The following PANX2 variants were observed in gnomAD, a reference collection of about 807,000 sequenced individuals.
PANX2 encodes pannexin-2.
A neutral mutation model predicts 38.7 loss-of-function variants in PANX2; 30 were observed. The observed-to-expected ratio is 0.78, with a 90% CI of 0.58 to 1.05. PANX2 has a LOEUF of 1.05. Ranked by LOEUF, PANX2 falls within the 50% of genes least tolerant of loss-of-function variation. The pLI, the probability that PANX2 is intolerant of heterozygous loss-of-function variation, is 0.00. For synonymous variants in PANX2, 539 were observed against 472.1 expected (o/e 1.14, Z -1.84); for missense variants, 880 against 979.3 (o/e 0.90, Z 1.35).
In PANX2 at chr22:50,170,915, C is replaced by A; in HGVS notation, c.185C>A (p.Pro62His). Residue 62 changes from proline to histidine, a missense_variant, in exon 1 of 3, where the codon CCC becomes CAC. Transcript: ENST00000395842. Reference sequence around the variant, plus strand: ...GTCACCATCGGCACCGTGCTGGTGCCCATCCTGCTGGTCACCCTGGTCTTC... The same window carrying A: ...GTCACCATCGGCACCGTGCTGGTGCACATCCTGCTGGTCACCCTGGTCTTC... ...RVVTIGTVLV[P>H]ILLVTLVFTK... is the part of the protein sequence containing the mutation. The A allele has an allele frequency of 6.5e-7, 1 of 1,528,646 alleles. No homozygotes were observed. The highest frequency in any genetic ancestry group is 1.2e-5 in the South Asian group (1 of 82,366). 94.7% of individuals were successfully genotyped at this position (1,528,646 alleles called of 1,614,324 possible). A position where few individuals can be genotyped will look rare whatever the true frequency, so the allele number is the denominator to read the frequency against.
chr22:50,172,753 A>G (rs1303793804), intron 1 of PANX2, among the ~76,000 whole-genome samples: 3 of 140,206 alleles, frequency 2.1e-5, no homozygotes, highest in East Asian at 2.2e-4. Context: ...TTTTGAGACA[A>G]AGTCTCGCTC....
chr22:50,174,074 G>C (rs974238721), intron 1 of PANX2, among the ~76,000 whole-genome samples: 2 of 152,222 alleles, frequency 1.3e-5, no homozygotes, highest in Non-Finnish European at 2.9e-5. Flanking sequence ...AAGGGCCAGG[G>C]CCTGGCCTCG....
chr22:50,175,009 A>AGGGCC (rs1280400997), intron 1 of PANX2, among the ~76,000 whole-genome samples: 1 of 152,142 alleles, frequency 6.6e-6, no homozygotes, highest in Non-Finnish European at 1.5e-5. Context: ...GGGCCCCCAA[A>AGGGCC]GGGCCGGGCC....
chr22:50,172,717 A>AC (rs1035432487), intron 1 of PANX2, among the ~76,000 whole-genome samples: 55 of 129,054 alleles, frequency 4.3e-4, no homozygotes, highest in Admixed American at 2.7e-3. Context: ...CTTCTTCACC[A>AC]CCCCCCCGCT....
At position 50,179,615 on chromosome 22, in the gene PANX2, C is replaced by A. The variant is rs1372173057; in HGVS notation, c.*338C>A. 7.1e-6 allele frequency: 2 copies of A among 283,416 alleles called. No homozygotes were observed. The highest frequency in any genetic ancestry group is 9.7e-5 in the East Asian group (1 of 10,272). 17.6% of individuals were successfully genotyped at this position (283,416 alleles called of 1,614,324 possible). ...AAGAGTTTATTTTTTTAGTCCGTTT[C>A]GTCCTGGCCCCGGGCTGTGGCGAGA... On this transcript the variant is annotated 3_prime_UTR_variant, in exon 3 of 3. Transcript: ENST00000395842.
Position 50,178,359 on chromosome 22 carries a change from G to T in PANX2, c.1647G>T (p.Gln549His), listed in dbSNP as rs1484020389. The change falls in exon 2 of 3, where the codon CAG (glutamine) becomes CAT (histidine). Residue 549 changes from glutamine (Q) to histidine (H), a missense_variant. Coordinates refer to ENST00000395842, the MANE Select transcript of PANX2 (RefSeq NM_052839.4). ...GCCAGGAGGGGGGCTTCCTGTCCCA[G>T]GCGGAGGACTGTGGGCTAGGCCTGG... The part of the protein sequence containing the change: ...SRSQEGGFLS[Q>H]AEDCGLGLAP... 2 of 1,485,052 alleles carry T rather than the reference G, an allele frequency of 1.3e-6. No homozygotes were observed. The highest frequency in any genetic ancestry group is 8.9e-7 in the Non-Finnish European group (1 of 1,125,452). 92.0% of individuals were successfully genotyped at this position (1,485,052 alleles called of 1,614,324 possible).
chr22:50,173,272 A>C (rs2063644436), intron 1 of PANX2, among the ~76,000 whole-genome samples: 1 of 152,174 alleles, frequency 6.6e-6, no homozygotes, highest in African/African-American at 2.4e-5. Flanking sequence ...ATCTCAGGTG[A>C]TCCGCCCGCC....
intron 1 of PANX2, among the ~76,000 whole-genome samples, chr22:50,176,302 G>A (rs1181818880): frequency 1.3e-5 from 2 of 152,244 alleles, no homozygotes; most frequent in African/African-American, 2.4e-5. Context: ...TTCAATTTTA[G>A]CGGCAGATAC....
In PANX2 at chr22:50,178,523, C is replaced by T. The variant is rs560855447; in HGVS notation, c.1690+121C>T. The stretch of plus-strand genomic sequence containing the variant: ...GAAGGGAGGGGGCCTGGCTTGAGGC[C>T]CCCTCAAAGGGGGAAGGGAGGAGGC... On this transcript the variant is annotated intron_variant, in intron 2 of 2. Coordinates refer to ENST00000395842, the MANE Select transcript of PANX2 (RefSeq NM_052839.4). The T allele has an allele frequency of 5.7e-5, 36 of 636,522 alleles. No homozygotes were observed. The African/African-American group carries it at 6.2e-4, about 11-fold the overall frequency. The allele number at this position is 636,522 out of a possible 1,614,324, so 39.4% of individuals were successfully genotyped here.
At chr22:50,173,966 G>A (rs1223012978) in intron 1 of PANX2, among the ~76,000 whole-genome samples, 3 of 152,124 alleles carry the variant, frequency 2.0e-5, no homozygotes, top group Non-Finnish European at 4.4e-5. Flanking sequence ...ACGTGACACC[G>A]CCACAGGCTC....
chr22:50,179,231 C>T lies in PANX2; in HGVS notation c.1988C>T (p.Ala663Val). Residue 663 changes from alanine (A) to valine (V), a missense_variant, in exon 3 of 3, where the codon GCC becomes GTC. Ala to Val is a moderately conservative substitution (Grantham distance 64). This residue lies in a region of PANX2 where 445 missense variants were observed against 404.3 expected (regional missense o/e 1.10). Coordinates refer to ENST00000395842, the MANE Select transcript of PANX2 (RefSeq NM_052839.4). The stretch of plus-strand genomic sequence containing the variant: ...CCTGCCCCACAGCAGATCCTCATCG[C>T]CACCTTCGACGAGCCGAGAACGGTC... ...AIPAPQQILI[A>V]TFDEPRTVVS... The T allele has an allele frequency of 4.3e-6, 7 of 1,612,722 alleles. No individual in the cohort carries two copies. The highest frequency in any genetic ancestry group is 5.9e-6 in the Non-Finnish European group (7 of 1,179,902).
chr22:50,171,598 T>A (rs896691586), intron 1 of PANX2, among the ~76,000 whole-genome samples: 20 of 152,030 alleles, frequency 1.3e-4, no homozygotes, highest in African/African-American at 4.8e-4. Context: ...GGACCCGCGC[T>A]GGTTAGATCA....
At chr22:50,171,204 G>T (rs921537885) in intron 1 of PANX2, among the ~76,000 whole-genome samples, 5 of 152,218 alleles carry the variant, frequency 3.3e-5, no homozygotes, top group Non-Finnish European at 7.3e-5. Flanking sequence ...CCGCGGGTGG[G>T]ACTAGGCCTG....
Position 50,177,532 on chromosome 22 carries a change from G to A in PANX2, c.820G>A (p.Ala274Thr), listed in dbSNP as rs767592776. 8 of 1,610,226 alleles carry A rather than the reference G, an allele frequency of 5.0e-6. No homozygotes were observed. The highest frequency in any genetic ancestry group is 1.6e-4 in the Middle Eastern group (1 of 6,078). ...GGACGGGGCGGCAGGTGCGGGGCCCGCGGTGCGCGTGAGCTGCAAGCTCCC... is the reference window on the plus strand; with the variant it reads ...GGACGGGGCGGCAGGTGCGGGGCCCACGGTGCGCGTGAGCTGCAAGCTCCC... The part of the protein sequence containing the change: ...SPDGAAGAGP[A>T]VRVSCKLPSV... The change falls in exon 2 of 3, where the codon GCG becomes ACG. Residue 274 changes from alanine (A) to threonine (T), a missense_variant. Around this residue, in one of 4 missense-constraint regions of PANX2, gnomAD observed 114 missense variants for 108.8 expected, o/e 1.05. Transcript: ENST00000395842.
chr22:50,178,204 G>GGCC lies in PANX2; in HGVS notation c.1492_1493insGCC (p.Ala498delinsGlyPro). On this transcript the variant is annotated protein_altering_variant, in exon 2 of 3. Transcript: ENST00000395842. ...CGACCCGGGCCCCGGCCCCGCCCCT[G>GGCC]CCCCCGCCCCGCCGCCCGCCCCTGA... The GGCC allele has an allele frequency of 7.6e-7, 1 of 1,319,898 alleles. No individual in the cohort carries two copies. Among genetic ancestry groups the GGCC allele is most frequent in the Non-Finnish European group, 1.0e-6 (1 of 1,004,422 alleles). The allele number at this position is 1,319,898 out of a possible 1,614,324, so 81.8% of individuals were successfully genotyped here.
intron 1 of PANX2, among the ~76,000 whole-genome samples, chr22:50,172,918 A>G (rs1208576140): frequency 8.0e-6 from 1 of 125,572 alleles, no homozygotes; most frequent in Non-Finnish European, 1.6e-5. Flanking sequence ...TTTTTTTGAG[A>G]CAGAGTCTCG....
In PANX2 at chr22:50,178,368, C is replaced by T; in HGVS notation, c.1656C>T (p.Asp552=). ...GGGGCTTCCTGTCCCAGGCGGAGGACTGTGGGCTAGGCCTGGCCCCGGCGC... is the reference window on the plus strand; with the variant it reads ...GGGGCTTCCTGTCCCAGGCGGAGGATTGTGGGCTAGGCCTGGCCCCGGCGC... The part of the protein sequence containing the change: ...QEGGFLSQAE[D]CGLGLAPAPI... Residue 552 remains aspartate, a synonymous_variant, in exon 2 of 3, where the codon GAC becomes GAT. Transcript: ENST00000395842. The T allele has an allele frequency of 6.8e-7, 1 of 1,474,984 alleles. No homozygotes were observed. Among genetic ancestry groups the T allele is most frequent in the Non-Finnish European group, 8.9e-7 (1 of 1,120,688 alleles). 91.4% of individuals were successfully genotyped at this position (1,474,984 alleles called of 1,614,324 possible). A position where few individuals can be genotyped will look rare whatever the true frequency, so the allele number is the denominator to read the frequency against.
chr22:50,170,923 C>T lies in PANX2; in HGVS notation c.193C>T (p.Leu65=). The T allele has an allele frequency of 6.6e-7, 1 of 1,524,146 alleles. No homozygotes were observed. Among genetic ancestry groups the T allele is most frequent in the South Asian group, 1.2e-5 (1 of 81,850 alleles). 94.4% of individuals were successfully genotyped at this position (1,524,146 alleles called of 1,614,324 possible). A position where few individuals can be genotyped will look rare whatever the true frequency, so the allele number is the denominator to read the frequency against. ...TIGTVLVPIL[L]VTLVFTKNFA... ...CGGCACCGTGCTGGTGCCCATCCTG[C>T]TGGTCACCCTGGTCTTCACCAAGAA... Residue 65 remains leucine, a synonymous_variant, in exon 1 of 3, where the codon CTG becomes TTG. Transcript: ENST00000395842.
chr22:50,177,505 C>T lies in PANX2; in HGVS notation c.793C>T (p.Pro265Ser). 6.2e-7 allele frequency: 1 copy of T among 1,609,472 alleles called. No individual in the cohort carries two copies. The highest frequency in any genetic ancestry group is 1.3e-5 in the African/African-American group (1 of 75,000). Residue 265 changes from proline to serine, a missense_variant, in exon 2 of 3, where the codon CCG (proline) becomes TCG (serine). By Grantham distance (74) the Pro-to-Ser change is moderately conservative. Coordinates refer to ENST00000395842, the MANE Select transcript of PANX2 (RefSeq NM_052839.4). The stretch of plus-strand genomic sequence containing the variant: ...GTTCACCTGCGCGCTGGGCGCGTCC[C>T]CGGACGGGGCGGCAGGTGCGGGGCC... ...NEFTCALGAS[P>S]DGAAGAGPAV... is the part of the protein sequence containing the mutation.
Sources: gnomAD v4.1 joint callset for allele counts (sites outside exome capture counted in the v4.1 genomes callset) on GRCh38, gnomAD v4.1.1 for gene constraint, gnomAD v4.1.1 regional missense constraint, MANE v1.5 for transcripts, NCBI Gene and HGNC (gene_info 2026-07-23, HGNC 2026-07-21) for gene names.